FHOD3: variants seen among roughly 807,000 people sequenced by gnomAD.
FHOD3 encodes formin homology 2 domain containing 3.
In FHOD3, 90 loss-of-function variants were observed where a neutral mutation model predicts 173.0. The ratio of observed to expected loss-of-function variants is 0.52; its 90% CI spans 0.44 to 0.62. FHOD3 has a LOEUF of 0.62. Among genes scored for constraint, FHOD3 ranks in the 20% least tolerant of loss-of-function variants. The pLI is 0.00. For missense variants in FHOD3, 1,945 were observed against 2,034.7 expected (o/e 0.96, Z 0.85); for synonymous variants, 828 against 823.0 (o/e 1.01, Z -0.10).
intron 13 of FHOD3, among the ~76,000 whole-genome samples, chr18:36,655,361 T>A (rs1213384646): frequency 6.6e-6 from 1 of 152,142 alleles, no homozygotes; most frequent in Non-Finnish European, 1.5e-5. Flanking sequence ...TCGGCCCTAG[T>A]TGGGGCTTTC....
chr18:36,381,679 C>T (rs1458949073), intron 3 of FHOD3, among the ~76,000 whole-genome samples: 4 of 152,088 alleles, frequency 2.6e-5, no homozygotes, highest in Admixed American at 1.3e-4. Flanking sequence ...TATACTGTCT[C>T]ACCCTCAGAA....
At chr18:36,442,173 C>T (rs1568276884) in intron 3 of FHOD3, among the ~76,000 whole-genome samples, 1 of 152,194 alleles carries the variant, frequency 6.6e-6, no homozygotes, top group South Asian at 2.1e-4. Flanking sequence ...GATTCCCTTT[C>T]CCCATTGCTC....
intron 19 of FHOD3, among the ~76,000 whole-genome samples, chr18:36,729,016 T>C (rs1490432030): frequency 2.0e-5 from 3 of 152,204 alleles, no homozygotes; most frequent in African/African-American, 7.2e-5. Flanking sequence ...GAAGGTCTTC[T>C]GTCCCCAGAC....
In FHOD3 at chr18:36,740,819, A is replaced by G. The variant is rs755196527; in HGVS notation, c.3740A>G (p.Asp1247Gly). ...ARLHLWAFKM[D>G]YETTEKEVAE... ...CTTCACCTCTGGGCATTCAAAATGG[A>G]TTATGAAACTACAGAAAAGGTAAGC... Residue 1247 changes from aspartate to glycine, a missense_variant, in exon 21 of 29, where the codon GAT becomes GGT. This residue lies in a region of FHOD3 where 231 missense variants were observed against 321.9 expected (regional missense o/e 0.72). Coordinates refer to ENST00000590592, the MANE Select transcript of FHOD3 (RefSeq NM_001281740.3). The G allele has an allele frequency of 6.2e-7, 1 of 1,610,240 alleles. No homozygotes were observed. The highest frequency in any genetic ancestry group is 8.5e-7 in the Non-Finnish European group (1 of 1,179,104).
intron 3 of FHOD3, among the ~76,000 whole-genome samples, chr18:36,467,934 T>C (rs1015207316): frequency 1.3e-5 from 2 of 152,180 alleles, no homozygotes; most frequent in Admixed American, 6.5e-5. Flanking sequence ...TGGGTCCAAA[T>C]GTTAAGAAAC....
rs891497156 is a variant in FHOD3, at chr18:36,658,153, A to G, written c.1800A>G (p.Ser600=). The G allele has an allele frequency of 9.4e-6, 15 of 1,589,120 alleles. No homozygotes were observed. Among genetic ancestry groups the G allele is most frequent in the East Asian group, 2.4e-5 (1 of 42,154 alleles). Reference sequence around the variant, plus strand: ...CCAGTGTGCCCACCACCCCCACATCATCCGTCTCACCCCCACAGGAGGCCA... The same window carrying G: ...CCAGTGTGCCCACCACCCCCACATCGTCCGTCTCACCCCCACAGGAGGCCA... The part of the protein sequence containing the change: ...SGSSVPTTPT[S]SVSPPQEARL... The change falls in exon 14 of 29, where the codon TCA becomes TCG. Residue 600 remains serine (S), a synonymous_variant. Transcript: ENST00000590592.
intron 6 of FHOD3, 51 bp from the exon 7 acceptor site, chr18:36,594,736 G>A: frequency 7.4e-7 from 1 of 1,357,298 alleles, no homozygotes; most frequent in Non-Finnish European, 1.0e-6. Context: ...ATGCTCTCTG[G>A]TGCACAGGGC....
At chr18:36,439,521 A>ATATGTG (rs1491431031) in intron 3 of FHOD3, among the ~76,000 whole-genome samples, 50 of 144,834 alleles carry the variant, frequency 3.5e-4, no homozygotes, top group African/African-American at 1.3e-3. Flanking sequence ...AACCAATAGA[A>ATATGTG]TGTGTGTGTG....
chr18:36,393,021 G>A (rs1480803728), intron 3 of FHOD3, among the ~76,000 whole-genome samples: 2 of 152,218 alleles, frequency 1.3e-5, no homozygotes, highest in African/African-American at 4.8e-5. Flanking sequence ...ATATGCCTGT[G>A]CTTAGAGGTC....
At chr18:36,315,187 A>G (rs537062365) in intron 1 of FHOD3, among the ~76,000 whole-genome samples, 1 of 152,336 alleles carries the variant, frequency 6.6e-6, no homozygotes, top group African/African-American at 2.4e-5. Flanking sequence ...TAGTCGATTC[A>G]TATTGAACTT....
At position 36,369,440 on chromosome 18, in the gene FHOD3, AACACACACACACACACACACACACAC is replaced by A. The variant is rs59109469; in HGVS notation, c.273-3206_273-3181del. Among the ~76,000 whole-genome samples the A allele has an allele frequency of 3.4e-3, 321 of 94,212 alleles. 1 individual carries two copies. The highest frequency in any genetic ancestry group is 8.2e-3 in the South Asian group (18 of 2,196). 61.8% of individuals were successfully genotyped at this position (94,212 alleles called of 152,430 possible). ...GATGTCCTTTGTTTTATTTTATTTAAACACACACACACACACACACACACACACACACACACACACACACACACACA... is the reference window on the plus strand; with the variant it reads ...GATGTCCTTTGTTTTATTTTATTTAAACACACACACACACACACACACACA... On this transcript the variant is annotated intron_variant, in intron 2 of 28. Transcript: ENST00000590592.
chr18:36,660,649 A>T (rs779485009), intron 14 of FHOD3, among the ~76,000 whole-genome samples: 23 of 152,204 alleles, frequency 1.5e-4, no homozygotes, highest in Non-Finnish European at 2.8e-4. Flanking sequence ...CTGGGACGAT[A>T]CTGGAAGAAA....
At position 36,718,712 on chromosome 18, in the gene FHOD3, A is replaced by G. The variant is rs2040598339; in HGVS notation, c.3414A>G (p.Ser1138=). ...FESKSKELSV[S]KKTAADGKRQ... is the part of the protein sequence containing the mutation. ...CTAAATCCAAGGAACTGTCTGTCTC[A>G]AAGGTACTGCTAGTCTTCAGCATGC... Residue 1138 remains serine, a synonymous_variant, in exon 19 of 29, where the codon TCA becomes TCG. Transcript: ENST00000590592. 6.2e-7 allele frequency: 1 copy of G among 1,611,512 alleles called. No homozygotes were observed. Among genetic ancestry groups the G allele is most frequent in the South Asian group, 1.1e-5 (1 of 90,906 alleles).
chr18:36,683,545 C>T (rs1210669997), intron 15 of FHOD3, among the ~76,000 whole-genome samples: 7 of 152,110 alleles, frequency 4.6e-5, no homozygotes, highest in Admixed American at 3.3e-4. Flanking sequence ...GAGAGTTTAC[C>T]ATTTTTTACC....
At chr18:36,690,450 C>T (rs888806830) in intron 16 of FHOD3, among the ~76,000 whole-genome samples, 2 of 152,038 alleles carry the variant, frequency 1.3e-5, no homozygotes, top group African/African-American at 4.8e-5. Context: ...ATTGCATGGG[C>T]CGGTGGGTCC....
chr18:36,354,836 T>C (rs1218840982), intron 1 of FHOD3, among the ~76,000 whole-genome samples: 1 of 149,540 alleles, frequency 6.7e-6, no homozygotes, highest in Admixed American at 6.7e-5. Flanking sequence ...TTTTTAAAAA[T>C]GAGATCAGTG....
intron 10 of FHOD3, among the ~76,000 whole-genome samples, chr18:36,641,094 G>T (rs1467978856): frequency 6.6e-6 from 1 of 152,104 alleles, no homozygotes; most frequent in East Asian, 1.9e-4. Context: ...CCTCTGTGCC[G>T]AACGCTGTGC....
intron 19 of FHOD3, among the ~76,000 whole-genome samples, chr18:36,721,871 A>G (rs945239954): frequency 4.2e-4 from 64 of 152,244 alleles, no homozygotes; most frequent in African/African-American, 1.4e-3. Flanking sequence ...AGACTTCACA[A>G]GACAGCACAA....
intron 10 of FHOD3, among the ~76,000 whole-genome samples, chr18:36,639,114 G>C (rs987642818): frequency 6.6e-6 from 1 of 152,178 alleles, no homozygotes; most frequent in African/African-American, 2.4e-5. Context: ...GCCTCTGAAG[G>C]CTGCCTTCCT....
Sources: allele counts gnomAD v4.1 joint callset (sites outside exome capture counted in the v4.1 genomes callset), GRCh38; gene constraint gnomAD v4.1.1; regional missense constraint gnomAD v4.1.1; transcripts MANE v1.5; gene names NCBI Gene and HGNC (gene_info 2026-07-23, HGNC 2026-07-21).